CHD1: variants seen among roughly 807,000 people sequenced by gnomAD.
The protein encoded by CHD1 is chromodomain helicase DNA binding protein 1, also known as ATP-dependent chromatin remodeler CHD1.
A neutral mutation model predicts 224.2 loss-of-function variants in CHD1; 36 were observed. The observed-to-expected ratio is 0.16, with a 90% CI of 0.12 to 0.21. The LOEUF (loss-of-function observed/expected upper bound fraction) is 0.21. Among genes scored for constraint, CHD1 ranks in the 10% least tolerant of loss-of-function variants. The pLI is 1.00. For synonymous variants in CHD1, 668 were observed against 658.3 expected (o/e 1.01, Z -0.23); for missense variants, 1,378 against 1,994.8 (o/e 0.69, Z 5.89).
intron 2 of CHD1, 125 bp downstream of exon 2, chr5:98,926,209 A>G: frequency 1.7e-6 from 1 of 589,726 alleles, no homozygotes; most frequent in Non-Finnish European, 2.9e-6. Context: ...TTGGATAGCT[A>G]AGAGGAAAAC....
intron 2 of CHD1, among the ~76,000 whole-genome samples, chr5:98,919,489 A>T (rs530897339): frequency 1.3e-5 from 2 of 152,336 alleles, no homozygotes; most frequent in South Asian, 4.1e-4. Context: ...AGTGTACTGT[A>T]TGTAAACACC....
At chr5:98,899,810 A>G in intron 7 of CHD1, 105 bp from the exon 8 acceptor site, 1 of 730,810 alleles carries the variant, frequency 1.4e-6, no homozygotes, top group Non-Finnish European at 2.2e-6. Context: ...ATACTCTTTT[A>G]AATAAAGTAT....
At chr5:98,922,921 G>A (rs1326250783) in intron 2 of CHD1, among the ~76,000 whole-genome samples, 1 of 152,142 alleles carries the variant, frequency 6.6e-6, no homozygotes, top group Admixed American at 6.5e-5. Context: ...CTCGGTAGGC[G>A]GAGGATGCAG....
intron 23 of CHD1, 45 bp from the exon 24 acceptor site, chr5:98,876,603 T>A: frequency 6.5e-7 from 1 of 1,540,516 alleles, no homozygotes; most frequent in Non-Finnish European, 8.9e-7. Context: ...AAAAACAGCT[T>A]GTATCTTAAG....
At chr5:98,907,594 A>G (rs996645852) in intron 2 of CHD1, among the ~76,000 whole-genome samples, 1 of 151,670 alleles carries the variant, frequency 6.6e-6, no homozygotes, top group Non-Finnish European at 1.5e-5. Context: ...ATCTCAAAAA[A>G]AAAAAAAAAA....
chr5:98,876,280 A>G (rs1160846367), intron 24 of CHD1, 118 bp downstream of exon 24: 20 of 1,015,712 alleles, frequency 2.0e-5, no homozygotes, highest in African/African-American at 8.0e-5. Flanking sequence ...TCCTACTCAA[A>G]TAACAGATTT....
At chr5:98,857,363 A>G (rs1748115499) in intron 35 of CHD1, among the ~76,000 whole-genome samples, 1 of 151,682 alleles carries the variant, frequency 6.6e-6, no homozygotes, top group African/African-American at 2.4e-5. Context: ...ACTATATTGC[A>G]TAAGCCTGTG....
Position 98,856,479 on chromosome 5 carries a change from T to C in CHD1, c.5034A>G (p.Pro1678=). The C allele has an allele frequency of 6.2e-7, 1 of 1,613,868 alleles. No homozygotes were observed. The highest frequency in any genetic ancestry group is 8.5e-7 in the Non-Finnish European group (1 of 1,179,770). ...HRASSSGPRS[P]LDQRSPYGSR... is the part of the protein sequence containing the mutation. ...AGCCATAAGGAGATCTCTGATCTAG[T>C]GGTGACCTAGGGCCACTGCTGGAAG... Residue 1678 remains proline, a synonymous_variant, in exon 36 of 36, where the codon CCA becomes CCG. Transcript: ENST00000614616.
At chr5:98,860,574 A>G (rs1288033705) in intron 32 of CHD1, 1 of 168,524 alleles carries the variant, frequency 5.9e-6, no homozygotes, top group Non-Finnish European at 1.3e-5. Context: ...AATGAGGTAC[A>G]GTTTGCTATC....
rs775622737 is a variant in CHD1, at chr5:98,872,460, G to A, written c.3667C>T (p.Pro1223Ser). The change falls in exon 27 of 36, where the codon CCT becomes TCT. Residue 1223 changes from proline to serine, a missense_variant. Physicochemically the swap from Pro to Ser is moderately conservative, Grantham distance 74 (BLOSUM62 -1). Coordinates refer to ENST00000614616, the MANE Select transcript of CHD1 (RefSeq NM_001270.4). ...TCAGAAGGAATGGATTTGTGCAAAG[G>A]TATTAATTCTTCTTCATGGGAGATG... ...LVISHEEELI[P>S]LHKSIPSDPE... 1 of 1,613,138 alleles carries A rather than the reference G, an allele frequency of 6.2e-7. No homozygotes were observed. Among genetic ancestry groups the A allele is most frequent in the South Asian group, 1.1e-5 (1 of 91,040 alleles).
intron 33 of CHD1, 116 bp downstream of exon 33, chr5:98,859,856 G>C (rs1748330077): frequency 3.6e-6 from 2 of 557,678 alleles, no homozygotes; most frequent in Non-Finnish European, 6.3e-6. Flanking sequence ...GTTCAATGGT[G>C]ATTTTTTAAA....
intron 5 of CHD1, among the ~76,000 whole-genome samples, chr5:98,901,793 AATCT>A (rs557101022): frequency 4.0e-5 from 6 of 151,882 alleles, no homozygotes; most frequent in Non-Finnish European, 8.8e-5. Flanking sequence ...TCAAATATTC[AATCT>A]GAGTACCTTA....
At chr5:98,922,748 G>T (rs928762355) in intron 2 of CHD1, among the ~76,000 whole-genome samples, 7 of 152,166 alleles carry the variant, frequency 4.6e-5, no homozygotes, top group African/African-American at 1.7e-4. Flanking sequence ...CAGTGCTTTG[G>T]GAGGCCAAGG....
rs773426332 is a variant in CHD1, at chr5:98,856,477, A to G, written c.5036T>C (p.Leu1679Pro). The G allele has an allele frequency of 6.2e-7, 1 of 1,613,780 alleles. No individual in the cohort carries two copies. The highest frequency in any genetic ancestry group is 2.2e-5 in the East Asian group (1 of 44,870). ...RASSSGPRSP[L>P]DQRSPYGSRS... is the part of the protein sequence containing the mutation. ...GGAGCCATAAGGAGATCTCTGATCT[A>G]GTGGTGACCTAGGGCCACTGCTGGA... Residue 1679 changes from leucine (L) to proline (P), a missense_variant, in exon 36 of 36, where the codon CTA (leucine) becomes CCA (proline). Leu to Pro is a moderately conservative substitution (Grantham distance 98). Coordinates refer to ENST00000614616, the MANE Select transcript of CHD1 (RefSeq NM_001270.4).
intron 23 of CHD1, 112 bp downstream of exon 23, chr5:98,879,440 A>C (rs1471662072): frequency 1.1e-5 from 9 of 828,332 alleles, no homozygotes; most frequent in African/African-American, 1.8e-5. Context: ...TATCAAATCA[A>C]GGCCATTACA....
At position 98,872,595 on chromosome 5, in the gene CHD1, A is replaced by G. The variant is rs763135656; in HGVS notation, c.3572-40T>C. ...AAAAAACCAGTATTTTTAAAAGTAT[A>G]AAACATAATTCTACAAAACACCAAG... On this transcript the variant is annotated intron_variant, in intron 26 of 35. Coordinates refer to ENST00000614616, the MANE Select transcript of CHD1 (RefSeq NM_001270.4). The G allele has an allele frequency of 1.9e-6, 3 of 1,560,744 alleles. No individual in the cohort carries two copies. The South Asian group carries it at 3.4e-5, about 18-fold the overall frequency.
At chr5:98,859,156 TG>T in intron 33 of CHD1, 141 bp from the exon 34 acceptor site, 1 of 551,468 alleles carries the variant, frequency 1.8e-6, no homozygotes, top group Admixed American at 3.8e-5. Flanking sequence ...TATACATGTA[TG>T]ACATTTATAG....
chr5:98,916,349 C>T (rs1477346525), intron 2 of CHD1, among the ~76,000 whole-genome samples: 3 of 151,690 alleles, frequency 2.0e-5, no homozygotes, highest in South Asian at 2.1e-4. Context: ...AGTTCGAGAC[C>T]AGCCTGACCA....
rs1751670872 is a variant in CHD1, at chr5:98,901,067, A to G, written c.603T>C (p.Asn201=). 1 of 1,593,546 alleles carries G rather than the reference A, an allele frequency of 6.3e-7. No homozygotes were observed. ...TTTTTTGTCCAAGAATCTTCTTTCC[A>G]TTTTTTGACTTAGATCTAGGAAAGT... The part of the protein sequence containing the change: ...RKPQNRSKSK[N]GKKILGQKKR... Residue 201 remains asparagine, a synonymous_variant, in exon 7 of 36, where the codon AAT becomes AAC. Transcript: ENST00000614616.
Sources: gnomAD v4.1 joint callset for allele counts (sites outside exome capture counted in the v4.1 genomes callset) on GRCh38, gnomAD v4.1.1 for gene constraint, MANE v1.5 for transcripts, NCBI Gene and HGNC (gene_info 2026-07-23, HGNC 2026-07-21) for gene names.